Variants in PLCB1 observed in about 807,000 individuals in gnomAD.
PLCB1 encodes phospholipase C beta 1.
PLCB1 carries 46 observed loss-of-function variants against 161.8 expected under a neutral mutation model. The observed-to-expected ratio is 0.28, with a 90% CI of 0.22 to 0.36. The LOEUF is 0.36. PLCB1 is among the 10% of genes least tolerant of loss of function. The pLI, the probability that PLCB1 is intolerant of heterozygous loss-of-function variation, is 1.00. For synonymous variants in PLCB1, 517 were observed against 503.7 expected (o/e 1.03, Z -0.35); for missense variants, 1,016 against 1,472.5 (o/e 0.69, Z 5.07).
At chr20:8,427,166 C>T (rs1417104540) in intron 3 of PLCB1, among the ~76,000 whole-genome samples, 7 of 152,092 alleles carry the variant, frequency 4.6e-5, no homozygotes, top group Non-Finnish European at 7.4e-5. Context: ...CCGTCTCAGC[C>T]TCCCAAAGTG....
intron 31 of PLCB1, among the ~76,000 whole-genome samples, chr20:8,793,447 C>T (rs529777421): frequency 8.7e-4 from 133 of 152,208 alleles, no homozygotes; most frequent in South Asian, 2.5e-3. Context: ...TCCTAAGCAT[C>T]GGCTGGCTTG....
chr20:8,458,326 A>G (rs1463112711), intron 3 of PLCB1, among the ~76,000 whole-genome samples: 5 of 152,126 alleles, frequency 3.3e-5, no homozygotes, highest in Non-Finnish European at 5.9e-5. Context: ...TGTATATTTC[A>G]TCTCTCATGA....
intron 2 of PLCB1, among the ~76,000 whole-genome samples, chr20:8,322,934 A>G (rs1033328825): frequency 6.6e-6 from 1 of 152,190 alleles, no homozygotes; most frequent in African/African-American, 2.4e-5. Flanking sequence ...GACATAAAAA[A>G]TATACCTCAC....
At chr20:8,301,372 A>G (rs1983904481) in intron 2 of PLCB1, among the ~76,000 whole-genome samples, 1 of 152,184 alleles carries the variant, frequency 6.6e-6, no homozygotes, top group African/African-American at 2.4e-5. Flanking sequence ...AGGGGAATTT[A>G]AGAACCAGGA....
chr20:8,400,926 A>T (rs1442512378), intron 3 of PLCB1, among the ~76,000 whole-genome samples: 1 of 152,202 alleles, frequency 6.6e-6, no homozygotes, highest in Non-Finnish European at 1.5e-5. Flanking sequence ...GTCCAAATAT[A>T]TGTGCATTTT....
At chr20:8,486,481 A>ATTTTTTTTT (rs71183092) in intron 3 of PLCB1, among the ~76,000 whole-genome samples, 2 of 85,782 alleles carry the variant, frequency 2.3e-5, no homozygotes, top group African/African-American at 9.1e-5. Context: ...ATTCCAAAAT[A>ATTTTTTTTT]TTTTTTTTTT....
At position 8,756,819 on chromosome 20, in the gene PLCB1, A is replaced by T. The variant is rs2076414; in HGVS notation, c.2524-227A>T. Among the ~76,000 whole-genome samples the T allele has an allele frequency of 0.3, 45,529 of 152,102 alleles. 6,881 individuals are homozygous for T. Among genetic ancestry groups the T allele is most frequent in the Middle Eastern group, 0.48 (140 of 294 alleles). ...GTGTGGAAGGGCACCACCAACGGGC[A>T]TAGACATAGGTTGGTGTAAAAATTG... On this transcript the variant is annotated intron_variant, in intron 23 of 31. Transcript: ENST00000338037.
At position 8,457,714 on chromosome 20, in the gene PLCB1, G is replaced by GCGCACACACACA. The variant is rs1555808428; in HGVS notation, c.246+86265_246+86266insGCACACACACAC. On this transcript the variant is annotated intron_variant, in intron 3 of 31. Coordinates refer to ENST00000338037, the MANE Select transcript of PLCB1 (RefSeq NM_015192.4). The stretch of plus-strand genomic sequence containing the variant: ...CTACTTATACCCCTAATGTGTGCGC[G>GCGCACACACACA]CACACACACACACACACACACACAC... Among the ~76,000 whole-genome samples the GCGCACACACACA allele has an allele frequency of 1.9e-3, 272 of 145,856 alleles. 1 individual carries two copies. Among genetic ancestry groups the GCGCACACACACA allele is most frequent in the East Asian group, 0.01 (47 of 4,612 alleles).
chr20:8,694,985 C>G (rs1990555251), intron 10 of PLCB1, among the ~76,000 whole-genome samples: 1 of 152,140 alleles, frequency 6.6e-6, no homozygotes, highest in African/African-American at 2.4e-5. Context: ...TCCCCTTGTC[C>G]CTAATGCAGA....
chr20:8,669,555 G>A (rs752494822), intron 9 of PLCB1, among the ~76,000 whole-genome samples: 16 of 152,168 alleles, frequency 1.1e-4, no homozygotes, highest in Non-Finnish European at 1.9e-4. Context: ...TCAGCACACA[G>A]TTTTTTGAGT....
At chr20:8,330,012 G>T (rs955596309) in intron 2 of PLCB1, among the ~76,000 whole-genome samples, 1 of 152,172 alleles carries the variant, frequency 6.6e-6, no homozygotes, top group Non-Finnish European at 1.5e-5. Context: ...AAAATAGGTA[G>T]GTGGCAAGAC....
intron 18 of PLCB1, among the ~76,000 whole-genome samples, chr20:8,732,965 A>C (rs188382127): frequency 6.6e-6 from 1 of 150,924 alleles, no homozygotes; most frequent in Admixed American, 6.6e-5. Context: ...ATTAAGGCAG[A>C]TACATATTAA....
At chr20:8,810,478 A>C (rs906922156) in intron 31 of PLCB1, among the ~76,000 whole-genome samples, 2 of 152,134 alleles carry the variant, frequency 1.3e-5, no homozygotes, top group African/African-American at 4.8e-5. Context: ...AATGATTTAC[A>C]GTTTTCGCCC....
intron 3 of PLCB1, among the ~76,000 whole-genome samples, chr20:8,481,066 T>G (rs1047215247): frequency 2.0e-5 from 3 of 152,166 alleles, no homozygotes; most frequent in African/African-American, 7.2e-5. Flanking sequence ...AGCGCACCAC[T>G]GCACTCCAGC....
intron 3 of PLCB1, among the ~76,000 whole-genome samples, chr20:8,574,000 T>G (rs1986601030): frequency 6.6e-6 from 1 of 152,260 alleles, no homozygotes; most frequent in South Asian, 2.1e-4. Flanking sequence ...ACTTTGTTTT[T>G]AAAGACTACT....
intron 9 of PLCB1, among the ~76,000 whole-genome samples, chr20:8,680,874 G>A (rs901250143): frequency 2.6e-5 from 4 of 151,248 alleles, no homozygotes; most frequent in African/African-American, 9.7e-5. Context: ...TAACCAAAAA[G>A]GTTATGGTTT....
chr20:8,385,869 A>G (rs917241221), intron 3 of PLCB1, among the ~76,000 whole-genome samples: 13 of 152,188 alleles, frequency 8.5e-5, no homozygotes, highest in African/African-American at 2.2e-4. Flanking sequence ...GAGAACCTGG[A>G]TATCTTGATT....
intron 2 of PLCB1, among the ~76,000 whole-genome samples, chr20:8,363,253 G>A (rs192246105): frequency 6.6e-6 from 1 of 152,158 alleles, no homozygotes; most frequent in African/African-American, 2.4e-5. Flanking sequence ...AGTTTCAGTG[G>A]GTCAGGGTCT....
chr20:8,417,048 CACACACATAT>C (rs1466701185), intron 3 of PLCB1, among the ~76,000 whole-genome samples: 6 of 55,804 alleles, frequency 1.1e-4, no homozygotes, highest in African/African-American at 3.4e-4. Flanking sequence ...CACACACACA[CACACACATAT>C]ATATATATAT....
Sources: allele counts gnomAD v4.1 joint callset (sites outside exome capture counted in the v4.1 genomes callset), GRCh38; gene constraint gnomAD v4.1.1; transcripts MANE v1.5; gene names NCBI Gene and HGNC (gene_info 2026-07-23, HGNC 2026-07-21).